EFCAB14: variants seen among roughly 807,000 people sequenced by gnomAD.
EFCAB14 encodes EF-hand calcium-binding domain-containing protein 14.
Under a neutral mutation model 56.5 loss-of-function variants are expected in EFCAB14, and 43 were observed. The ratio of observed to expected loss-of-function variants is 0.76; its 90% CI spans 0.60 to 0.98. The LOEUF is 0.98. Ranked by LOEUF, EFCAB14 falls within the 50% of genes least tolerant of loss-of-function variation. EFCAB14 has a pLI of 0.00. For missense variants in EFCAB14, 538 were observed against 580.3 expected, an observed-to-expected ratio of 0.93 and a Z score of 0.75; for synonymous variants, 235 against 212.9, an observed-to-expected ratio of 1.10 and a Z score of -0.90.
intron 4 of EFCAB14, among the ~76,000 whole-genome samples, chr1:46,695,056 C>T (rs182510906): frequency 1.8e-4 from 24 of 136,034 alleles, no homozygotes; most frequent in African/African-American, 5.9e-4. Flanking sequence ...GGAAGGGGAA[C>T]ATCACACACC....
intron 3 of EFCAB14, among the ~76,000 whole-genome samples, chr1:46,706,777 G>T (rs1677239159): frequency 6.6e-6 from 1 of 152,182 alleles, no homozygotes. Context: ...TGTAACTCAT[G>T]AATTATTTCA....
intron 2 of EFCAB14, among the ~76,000 whole-genome samples, chr1:46,714,429 TAA>T (rs796203292): frequency 4.8e-4 from 52 of 107,788 alleles, no homozygotes; most frequent in Admixed American, 4.8e-4. Context: ...TCAGTGTTGC[TAA>T]AAAAAAAAAA....
chr1:46,689,211 T>C (rs151208555), intron 6 of EFCAB14, among the ~76,000 whole-genome samples: 2 of 152,342 alleles, frequency 1.3e-5, no homozygotes, highest in Middle Eastern at 3.4e-3. Flanking sequence ...CTTTCTAACA[T>C]TCTTAGAATT....
chr1:46,712,554 C>A (rs912426349), intron 2 of EFCAB14, among the ~76,000 whole-genome samples: 1 of 152,010 alleles, frequency 6.6e-6, no homozygotes, highest in Non-Finnish European at 1.5e-5. Context: ...TTTTAGCAAT[C>A]CTTCCTTTCC....
In EFCAB14 at chr1:46,678,449, T is replaced by A. The variant is rs771619127; in HGVS notation, c.*12A>T. 3 of 1,613,724 alleles carry A rather than the reference T, an allele frequency of 1.9e-6. No homozygotes were observed. Among genetic ancestry groups the A allele is most frequent in the African/African-American group, 1.3e-5 (1 of 74,924 alleles). ...TATTAGGCAGTCCATTTCTAAAATATGCCTGATGAAGCTAGATACCTAAAG... is the reference window on the plus strand; with the variant it reads ...TATTAGGCAGTCCATTTCTAAAATAAGCCTGATGAAGCTAGATACCTAAAG... On this transcript the variant is annotated 3_prime_UTR_variant, in exon 11 of 11. Coordinates refer to ENST00000371933, the MANE Select transcript of EFCAB14 (RefSeq NM_014774.3).
At position 46,678,579 on chromosome 1, in the gene EFCAB14, T is replaced by C; in HGVS notation, c.1370A>G (p.Gln457Arg). The C allele has an allele frequency of 6.2e-7, 1 of 1,614,162 alleles. No homozygotes were observed. Reference sequence around the variant, plus strand: ...AGAACCTAGGGAGGTCCAGATTTCCTGGTAGGTCAGCTTCCCATCCACGTC... The same window carrying C: ...AGAACCTAGGGAGGTCCAGATTTCCCGGTAGGTCAGCTTCCCATCCACGTC... ...GQDVDGKLTY[Q>R]EIWTSLGSAM... The change falls in exon 11 of 11, where the codon CAG (glutamine) becomes CGG (arginine). Residue 457 changes from glutamine (Q) to arginine (R), a missense_variant. Gln to Arg is a conservative substitution (Grantham distance 43). Transcript: ENST00000371933.
chr1:46,716,577 G>T, intron 1 of EFCAB14, 134 bp from the exon 2 acceptor site: 4 of 987,178 alleles, frequency 4.1e-6, no homozygotes, highest in Non-Finnish European at 6.0e-6. Flanking sequence ...GGGAGGCAGG[G>T]TAAAGCACTT....
chr1:46,681,514 A>C (rs909767390), intron 10 of EFCAB14, among the ~76,000 whole-genome samples: 2 of 152,236 alleles, frequency 1.3e-5, no homozygotes, highest in African/African-American at 4.8e-5. Context: ...GAGCTCCTAT[A>C]AACAAGCTCC....
chr1:46,707,816 C>A, intron 3 of EFCAB14, 90 bp downstream of exon 3: 1 of 1,316,990 alleles, frequency 7.6e-7, no homozygotes, highest in Non-Finnish European at 1.0e-6. Flanking sequence ...GAAATGAATT[C>A]CCTATACCTA....
chr1:46,682,528 A>G (rs1013765509), intron 10 of EFCAB14, among the ~76,000 whole-genome samples: 4 of 152,194 alleles, frequency 2.6e-5, no homozygotes, highest in African/African-American at 9.6e-5. Flanking sequence ...AACAGGGTCA[A>G]CTTTTACTTT....
chr1:46,718,176 T>A lies in EFCAB14; in HGVS notation c.-89A>T. ...TTCTCTTCCTGCCTTGGAGCTGCCT[T>A]CCAGGGTTGGGAATCCTGGGCCAGA... On this transcript the variant is annotated 5_prime_UTR_variant, in exon 1 of 11. Coordinates refer to ENST00000371933, the MANE Select transcript of EFCAB14 (RefSeq NM_014774.3). 1 of 1,445,050 alleles carries A rather than the reference T, an allele frequency of 6.9e-7. No homozygotes were observed. The highest frequency in any genetic ancestry group is 1.4e-5 in the African/African-American group (1 of 71,112). The allele number at this position is 1,445,050 out of a possible 1,614,324, so 89.5% of individuals were successfully genotyped here.
At position 46,684,588 on chromosome 1, in the gene EFCAB14, T is replaced by C. The variant is rs778819707; in HGVS notation, c.1089A>G (p.Ser363=). The C allele has an allele frequency of 1.2e-6, 2 of 1,613,978 alleles. No homozygotes were observed. The highest frequency in any genetic ancestry group is 2.2e-5 in the South Asian group (2 of 91,080). The part of the protein sequence containing the change: ...KIQSIKKEDS[S]NSQVSKLREK... ...CTCTTAGCTTGGATACCTGAGAATT[T>C]GAACTATCTTCTTTCTGCACAAAAC... Residue 363 remains serine (S), a synonymous_variant, in exon 9 of 11, where the codon TCA becomes TCG. Transcript: ENST00000371933.
At chr1:46,686,679 C>T in intron 8 of EFCAB14, 105 bp downstream of exon 8, 2 of 1,110,164 alleles carry the variant, frequency 1.8e-6, no homozygotes, top group Non-Finnish European at 2.7e-6. Context: ...GAAGTTTCAG[C>T]ACATGAGAAC....
intron 6 of EFCAB14, 115 bp from the exon 7 acceptor site, chr1:46,688,659 T>G (rs1323000837): frequency 6.8e-6 from 6 of 884,898 alleles, no homozygotes; most frequent in Non-Finnish European, 1.0e-5. Context: ...CTCCTTTTCC[T>G]GGTTTTGACC....
chr1:46,683,423 G>T lies in EFCAB14; in HGVS notation c.1189C>A (p.Gln397Lys), dbSNP rs1676828581. 6.2e-7 allele frequency: 1 copy of T among 1,612,946 alleles called. No homozygotes were observed. The highest frequency in any genetic ancestry group is 1.3e-5 in the African/African-American group (1 of 74,846). The change falls in exon 10 of 11, where the codon CAA (glutamine) becomes AAA (lysine). Residue 397 changes from glutamine (Q) to lysine (K), a missense_variant and splice_region_variant. Gln to Lys is a moderately conservative substitution (Grantham distance 53). Coordinates refer to ENST00000371933, the MANE Select transcript of EFCAB14 (RefSeq NM_014774.3). ...GGCTTTGATGTGAAACTCTCTACTT[G>T]CTCTGTAACAAATACATAAGGTTTT... ...NRPPETADEEQVESFTSKPSA... is the reference protein window; with the variant it reads ...NRPPETADEEKVESFTSKPSA...
intron 8 of EFCAB14, 127 bp from the exon 9 acceptor site, chr1:46,684,729 A>C (rs1676851975): frequency 1.5e-6 from 1 of 686,364 alleles, no homozygotes; most frequent in South Asian, 1.8e-5. Context: ...TAAAGACAAT[A>C]AAAGAATGAA....
At chr1:46,698,656 G>GGA (rs1569713084) in intron 3 of EFCAB14, among the ~76,000 whole-genome samples, 1 of 152,170 alleles carries the variant, frequency 6.6e-6, no homozygotes, top group East Asian at 1.9e-4. Context: ...TCCCAGTACA[G>GGA]GAAAGAGCTT....
At chr1:46,716,003 T>G (rs1017870290) in intron 2 of EFCAB14, among the ~76,000 whole-genome samples, 1 of 151,690 alleles carries the variant, frequency 6.6e-6, no homozygotes, top group African/African-American at 2.4e-5. Flanking sequence ...ATCCTGGCAC[T>G]TTGGGAGGCC....
intron 10 of EFCAB14, among the ~76,000 whole-genome samples, chr1:46,679,095 T>C (rs1164197114): frequency 1.3e-5 from 2 of 152,202 alleles, no homozygotes; most frequent in East Asian, 3.8e-4. Flanking sequence ...ATGAGTTATG[T>C]GATAGGAGCT....
Sources: allele counts gnomAD v4.1 joint callset (sites outside exome capture counted in the v4.1 genomes callset), GRCh38; gene constraint gnomAD v4.1.1; transcripts MANE v1.5; gene names NCBI Gene and HGNC (gene_info 2026-07-23, HGNC 2026-07-21).